Variants in POMK observed in about 807,000 individuals in gnomAD.
POMK encodes the protein protein O-mannose kinase.
In POMK, 19 loss-of-function variants were observed where a neutral mutation model predicts 23.0. The ratio of observed to expected loss-of-function variants is 0.83; its 90% CI spans 0.58 to 1.21. The LOEUF is 1.21. Ranked by LOEUF, POMK falls within the 50% of genes most tolerant of loss-of-function variation. The pLI is 0.00. For missense variants in POMK, 410 were observed against 431.3 expected, an observed-to-expected ratio of 0.95 and a Z score of 0.44; for synonymous variants, 173 against 171.6, an observed-to-expected ratio of 1.01 and a Z score of -0.06.
chr8:43,115,581 C>T (rs1054013285), intron 4 of POMK, among the ~76,000 whole-genome samples: 3 of 152,190 alleles, frequency 2.0e-5, no homozygotes, highest in Non-Finnish European at 4.4e-5. Flanking sequence ...CTCAGGCTTG[C>T]ACCAGGACCC....
rs542467006 is a variant in POMK at position 43,101,271 on chromosome 8, C to G, written c.-117-1234C>G. ...GACCCAGTCTCTACAAAAAAAAATACAAAAATTAGCTGGATGTGGTGATGC... is the reference window on the plus strand; with the variant it reads ...GACCCAGTCTCTACAAAAAAAAATAGAAAAATTAGCTGGATGTGGTGATGC... On this transcript the variant is annotated intron_variant, in intron 2 of 4. Coordinates refer to ENST00000331373, the MANE Select transcript of POMK (RefSeq NM_032237.5). 8.6e-5 allele frequency among the ~76,000 whole-genome samples: 13 copies of G among 151,836 alleles called. No homozygotes were observed. The South Asian group carries it at 2.7e-3, about 32-fold the overall frequency.
chr8:43,094,818 C>T (rs908341343), intron 1 of POMK, among the ~76,000 whole-genome samples: 8 of 152,180 alleles, frequency 5.3e-5, no homozygotes, highest in Admixed American at 2.0e-4. Context: ...AATAAGCCTT[C>T]CTATCAGTGT....
At chr8:43,113,525 A>T (rs1021911740) in intron 4 of POMK, among the ~76,000 whole-genome samples, 1 of 152,150 alleles carries the variant, frequency 6.6e-6, no homozygotes, top group East Asian at 1.9e-4. Context: ...AATTTTTTCA[A>T]AGTTTTCAAC....
intron 4 of POMK, among the ~76,000 whole-genome samples, chr8:43,120,648 C>T (rs895400941): frequency 6.6e-6 from 1 of 151,682 alleles, no homozygotes; most frequent in Admixed American, 6.6e-5. Flanking sequence ...ATGTACGCTC[C>T]ATTACACCCT....
At chr8:43,118,017 A>C (rs919990159) in intron 4 of POMK, among the ~76,000 whole-genome samples, 1 of 152,248 alleles carries the variant, frequency 6.6e-6, no homozygotes, top group African/African-American at 2.4e-5. Flanking sequence ...TAGATCATAT[A>C]AGATCTTATT....
At chr8:43,116,630 A>G (rs1465600885) in intron 4 of POMK, among the ~76,000 whole-genome samples, 1 of 152,166 alleles carries the variant, frequency 6.6e-6, no homozygotes, top group African/African-American at 2.4e-5. Context: ...TAATACATTG[A>G]CCCTTGAACA....
chr8:43,120,711 C>T lies in POMK; in HGVS notation c.283-1396C>T, dbSNP rs1228468754. ...TTTTTTTTTGAGACAGAGTTTCACT[C>T]TTGTTGCCCAGGCTGGAGCACAGTG... On this transcript the variant is annotated intron_variant, in intron 4 of 4. Transcript: ENST00000331373. 2.0e-5 allele frequency among the ~76,000 whole-genome samples: 3 copies of T among 147,936 alleles called. No homozygotes were observed. In the East Asian group the frequency reaches 6.0e-4, roughly 29 times the overall value.
intron 2 of POMK, among the ~76,000 whole-genome samples, chr8:43,099,228 A>C (rs1407686044): frequency 6.6e-6 from 1 of 152,206 alleles, no homozygotes; most frequent in Non-Finnish European, 1.5e-5. Context: ...CGGGATTACA[A>C]GTGTGAGCCA....
At chr8:43,111,563 G>A (rs1563339622) in intron 4 of POMK, among the ~76,000 whole-genome samples, 1 of 152,210 alleles carries the variant, frequency 6.6e-6, no homozygotes, top group African/African-American at 2.4e-5. Flanking sequence ...TGACAGCTTT[G>A]AAGAGAGTAG....
intron 4 of POMK, among the ~76,000 whole-genome samples, chr8:43,118,703 A>T (rs75142712): frequency 6.6e-6 from 1 of 152,250 alleles, no homozygotes; most frequent in African/African-American, 2.4e-5. Flanking sequence ...GTATTTCATA[A>T]TAATATTTAA....
chr8:43,100,568 A>G (rs1179406294), intron 2 of POMK, among the ~76,000 whole-genome samples: 1 of 148,646 alleles, frequency 6.7e-6, no homozygotes, highest in Non-Finnish European at 1.5e-5. Context: ...TATGGAGGGG[A>G]GGTGGTTGAA....
intron 4 of POMK, among the ~76,000 whole-genome samples, chr8:43,110,069 C>A (rs1374972594): frequency 6.6e-6 from 1 of 152,178 alleles, no homozygotes; most frequent in Non-Finnish European, 1.5e-5. Context: ...TTAGACTTTT[C>A]CTATCTCATT....
chr8:43,095,549 A>G (rs1488315310), intron 1 of POMK, among the ~76,000 whole-genome samples: 4 of 152,194 alleles, frequency 2.6e-5, no homozygotes, highest in African/African-American at 7.2e-5. Flanking sequence ...AGAGTCCCAC[A>G]GAGTTTTGTA....
Position 43,123,009 on chromosome 8 carries a change from TGTCCACATCCACATGTACG to T in POMK, c.*133_*151del. 66 of 765,726 alleles carry T rather than the reference TGTCCACATCCACATGTACG, an allele frequency of 8.6e-5. No individual in the cohort carries two copies. In the South Asian group the frequency reaches 1.1e-3, roughly 13 times the overall value. The allele number at this position is 765,726 out of a possible 1,614,324, so 47.4% of individuals were successfully genotyped here. On this transcript the variant is annotated 3_prime_UTR_variant, in exon 5 of 5. Transcript: ENST00000331373. ...TTTATGGCTTAGCCATGTGGTTCGT[TGTCCACATCCACATGTACG>T]TTTGTATGTAGTCCACATTGGTTGT...
chr8:43,120,016 G>A (rs1276299721), intron 4 of POMK, among the ~76,000 whole-genome samples: 1 of 148,562 alleles, frequency 6.7e-6, no homozygotes, highest in Non-Finnish European at 1.5e-5. Context: ...AGTTGTAAAA[G>A]TAATATATGT....
chr8:43,110,350 G>A (rs1811626417), intron 4 of POMK, among the ~76,000 whole-genome samples: 4 of 152,178 alleles, frequency 2.6e-5, no homozygotes, highest in Admixed American at 2.6e-4. Context: ...TAGGGAGTGT[G>A]GCTAACTCCA....
At chr8:43,115,503 T>C (rs1170023306) in intron 4 of POMK, among the ~76,000 whole-genome samples, 1 of 152,132 alleles carries the variant, frequency 6.6e-6, no homozygotes, top group Non-Finnish European at 1.5e-5. Flanking sequence ...CTCTCTCTCA[T>C]CCACCTTCAG....
At chr8:43,106,456 C>T (rs1292297063) in intron 4 of POMK, among the ~76,000 whole-genome samples, 2 of 149,634 alleles carry the variant, frequency 1.3e-5, no homozygotes, top group Non-Finnish European at 3.0e-5. Context: ...TATTTGTTTC[C>T]TTTGCTGGGA....
intron 2 of POMK, among the ~76,000 whole-genome samples, chr8:43,097,981 T>C (rs558536993): frequency 1.1e-4 from 16 of 152,128 alleles, no homozygotes; most frequent in African/African-American, 3.4e-4. Context: ...CAGGTGTGGG[T>C]GAGGTTACCT....
Sources: allele counts gnomAD v4.1 joint callset (sites outside exome capture counted in the v4.1 genomes callset), GRCh38; gene constraint gnomAD v4.1.1; transcripts MANE v1.5; gene names NCBI Gene and HGNC (gene_info 2026-07-23, HGNC 2026-07-21).